The following PRICKLE1 variants were observed in gnomAD, a reference collection of about 807,000 sequenced individuals.
PRICKLE1 encodes the protein prickle-like protein 1.
A neutral mutation model predicts 70.2 loss-of-function variants in PRICKLE1; 14 were observed. The observed-to-expected ratio is 0.20, with a 90% CI of 0.13 to 0.31. PRICKLE1 has a LOEUF of 0.31. Among genes scored for constraint, PRICKLE1 ranks in the 10% least tolerant of loss-of-function variants. The pLI, the probability that PRICKLE1 is intolerant of heterozygous loss-of-function variation, is 1.00. For missense variants in PRICKLE1, 821 were observed against 1,026.2 expected, an observed-to-expected ratio of 0.80 and a Z score of 2.73; for synonymous variants, 357 against 379.9, an observed-to-expected ratio of 0.94 and a Z score of 0.70.
intron 3 of PRICKLE1, 59 bp from the exon 4 acceptor site, chr12:42,469,646 T>C: frequency 6.2e-7 from 1 of 1,608,252 alleles, no homozygotes; most frequent in Non-Finnish European, 8.5e-7. Flanking sequence ...TCACCAGTTC[T>C]CTACTTCCAG....
intron 1 of PRICKLE1, among the ~76,000 whole-genome samples, chr12:42,587,678 C>G (rs1378772507): frequency 6.6e-6 from 1 of 152,220 alleles, no homozygotes; most frequent in Non-Finnish European, 1.5e-5. Flanking sequence ...AGCTGGGCTA[C>G]AATGACAGAT....
At chr12:42,564,643 T>C (rs1447167584) in intron 1 of PRICKLE1, among the ~76,000 whole-genome samples, 3 of 152,238 alleles carry the variant, frequency 2.0e-5, no homozygotes, top group African/African-American at 7.2e-5. Flanking sequence ...TTTCTTGAGG[T>C]CATATTTTAA....
chr12:42,549,827 C>A (rs1006408762), intron 1 of PRICKLE1, among the ~76,000 whole-genome samples: 2 of 152,232 alleles, frequency 1.3e-5, no homozygotes, highest in African/African-American at 4.8e-5. Context: ...GAGCTTCCAA[C>A]ATGCTTCCCT....
intron 1 of PRICKLE1, among the ~76,000 whole-genome samples, chr12:42,544,181 C>A (rs1425884906): frequency 1.3e-5 from 2 of 152,122 alleles, no homozygotes; most frequent in African/African-American, 4.8e-5. Flanking sequence ...CATTGCTGCC[C>A]ATCAAGAAAC....
In PRICKLE1 at chr12:42,482,027, G is replaced by T. The variant is rs573643140; in HGVS notation, c.-48-9463C>A. On this transcript the variant is annotated intron_variant, in intron 1 of 7. Transcript: ENST00000345127. ...AAGTTTTCCATACGAGCAATTAGTG[G>T]CATTAGGCCATATGCCCTTTAGTAT... is the stretch of plus-strand genomic sequence containing the variant. Among the ~76,000 whole-genome samples, 3 of 152,314 alleles carry T rather than the reference G, an allele frequency of 2.0e-5. No individual in the cohort carries two copies. The South Asian group carries it at 6.2e-4, about 32-fold the overall frequency.
Position 42,464,411 on chromosome 12 carries a change from T to A in PRICKLE1, c.1623A>T (p.Ala541=), listed in dbSNP as rs776141626. The A allele has an allele frequency of 2.5e-6, 4 of 1,614,112 alleles. No homozygotes were observed. In the South Asian group the frequency reaches 3.3e-5, roughly 13 times the overall value. Residue 541 remains alanine (A), a synonymous_variant, in exon 7 of 8, where the codon GCA becomes GCT. Transcript: ENST00000345127. The surrounding 1 kb of genome is among the most constrained non-coding windows in gnomAD (Gnocchi z 4.2). The stretch of plus-strand genomic sequence containing the variant: ...ATTACGTACCTGTGATATTGGACAA[T>A]GCCAAAGAATCCATCGAATCCCGAA... ...QSVRDSMDSL[A]LSNITGASVD...
chr12:42,472,238 C>T, intron 2 of PRICKLE1, 147 bp downstream of exon 2: 1 of 945,600 alleles, frequency 1.1e-6, no homozygotes, highest in Non-Finnish European at 1.6e-6. Context: ...AAAAGTAAAA[C>T]TTCAAAGCCA....
intron 1 of PRICKLE1, among the ~76,000 whole-genome samples, chr12:42,577,626 T>C (rs1940825247): frequency 6.6e-6 from 1 of 152,174 alleles, no homozygotes; most frequent in South Asian, 2.1e-4. Context: ...CAAGTAAATT[T>C]TGAGCTTAAA....
At chr12:42,480,933 A>G (rs752519397) in intron 1 of PRICKLE1, among the ~76,000 whole-genome samples, 8 of 152,240 alleles carry the variant, frequency 5.3e-5, no homozygotes, top group Non-Finnish European at 1.2e-4. Context: ...AAGAAGATTA[A>G]TATGGTAGTG....
intron 1 of PRICKLE1, 100 bp from the exon 2 acceptor site, chr12:42,472,664 G>T: frequency 2.0e-6 from 2 of 1,019,746 alleles, no homozygotes; most frequent in Non-Finnish European, 2.9e-6. Context: ...ACAGACAGCT[G>T]GGCCCAGAGA....
intron 1 of PRICKLE1, among the ~76,000 whole-genome samples, chr12:42,512,178 T>G (rs1256662377): frequency 1.3e-5 from 2 of 152,296 alleles, no homozygotes; most frequent in East Asian, 3.9e-4. Context: ...ATATGTGTTT[T>G]GGTTTTTTTG....
intron 1 of PRICKLE1, among the ~76,000 whole-genome samples, chr12:42,537,252 G>A (rs1462879228): frequency 6.6e-5 from 10 of 151,760 alleles, no homozygotes; most frequent in Non-Finnish European, 1.0e-4. Context: ...TCAACCTCCT[G>A]AGCTCAAGTG....
chr12:42,487,920 C>G (rs1488823060), intron 1 of PRICKLE1, among the ~76,000 whole-genome samples: 2 of 152,142 alleles, frequency 1.3e-5, no homozygotes, highest in African/African-American at 2.4e-5. Context: ...GTGGCGGGCG[C>G]CTGTAGTCCC....
intron 2 of PRICKLE1, 45 bp from the exon 3 acceptor site, chr12:42,470,404 C>A (rs1287640196): frequency 2.4e-6 from 3 of 1,233,970 alleles, no homozygotes; most frequent in Admixed American, 1.7e-5. Flanking sequence ...CAGAACTGAG[C>A]ATCTCAGCTC....
chr12:42,491,302 T>C (rs999761236), intron 1 of PRICKLE1, among the ~76,000 whole-genome samples: 2 of 151,430 alleles, frequency 1.3e-5, no homozygotes, highest in Admixed American at 1.3e-4. Context: ...TCTGTAATCC[T>C]AGCACTTTGG....
chr12:42,570,313 T>A (rs2120747557), intron 1 of PRICKLE1, among the ~76,000 whole-genome samples: 1 of 152,320 alleles, frequency 6.6e-6, no homozygotes, highest in South Asian at 2.1e-4. Context: ...GCTGAACTGG[T>A]TTTAGATAAA....
rs57586402 is a variant in PRICKLE1 at position 42,463,429 on chromosome 12, T to A, written c.1639+966A>T. Among the ~76,000 whole-genome samples the A allele has an allele frequency of 4.7e-3, 702 of 149,350 alleles. 1 individual carries two copies. The highest frequency in any genetic ancestry group is 0.017 in the African/African-American group (680 of 40,612). ...TCAGGAAGATGTTTAAAAAAAAAAATGAGCTTGTGGCCAGGCGTGGTGGCT... is the reference window on the plus strand; with the variant it reads ...TCAGGAAGATGTTTAAAAAAAAAAAAGAGCTTGTGGCCAGGCGTGGTGGCT... On this transcript the variant is annotated intron_variant, in intron 7 of 7. Transcript: ENST00000345127.
intron 1 of PRICKLE1, among the ~76,000 whole-genome samples, chr12:42,540,341 C>A (rs75833477): frequency 0.045 from 6,901 of 152,230 alleles, 215 homozygotes; most frequent in South Asian, 0.084. Flanking sequence ...ACTCAGCCTC[C>A]TCATCATGTT....
intron 1 of PRICKLE1, among the ~76,000 whole-genome samples, chr12:42,532,080 G>T (rs1009978555): frequency 3.3e-5 from 5 of 152,186 alleles, no homozygotes; most frequent in African/African-American, 1.2e-4. Flanking sequence ...GGAAACGATC[G>T]CTTGAGCCTG....
Sources: allele counts gnomAD v4.1 joint callset (sites outside exome capture counted in the v4.1 genomes callset), GRCh38; gene constraint gnomAD v4.1.1; non-coding constraint Gnocchi (gnomAD v3.1); transcripts MANE v1.5; gene names NCBI Gene and HGNC (gene_info 2026-07-23, HGNC 2026-07-21).